CCSER1: variants seen among roughly 807,000 people sequenced by gnomAD.
CCSER1 encodes serine-rich coiled-coil domain-containing protein 1.
CCSER1 carries 41 observed loss-of-function variants against 82.0 expected under a neutral mutation model. The observed-to-expected ratio is 0.50, with a 90% CI of 0.39 to 0.65. The LOEUF (loss-of-function observed/expected upper bound fraction) is 0.65, where lower values mean the gene tolerates loss of function less well. CCSER1 is among the 30% of genes least tolerant of loss of function. The probability of loss-of-function intolerance (pLI) is 0.00; values close to 1 mark genes in which losing one functional copy is unlikely to be tolerated. For missense variants in CCSER1, 1,119 were observed against 1,064.2 expected (o/e 1.05, Z -0.72); for synonymous variants, 414 against 383.9 (o/e 1.08, Z -0.92).
At chr4:90,708,807 G>A (rs1401838670) in intron 6 of CCSER1, among the ~76,000 whole-genome samples, 3 of 151,992 alleles carry the variant, frequency 2.0e-5, no homozygotes, top group Admixed American at 6.6e-5. Context: ...AAAAGTTAAC[G>A]AATTGGTAAA....
chr4:91,554,593 A>G (rs1194478848), intron 10 of CCSER1, among the ~76,000 whole-genome samples: 1 of 151,358 alleles, frequency 6.6e-6, no homozygotes, highest in Non-Finnish European at 1.5e-5. Context: ...AAGGACTACA[A>G]GAAATAATAA....
At chr4:90,153,587 G>A (rs1042452021) in intron 1 of CCSER1, among the ~76,000 whole-genome samples, 1 of 152,016 alleles carries the variant, frequency 6.6e-6, no homozygotes, top group Non-Finnish European at 1.5e-5. Context: ...TCTAACTGGT[G>A]TGAGATGGTA....
In CCSER1 at chr4:91,501,951, C is replaced by G. The variant is rs1047908840; in HGVS notation, c.2218-96621C>G. On this transcript the variant is annotated intron_variant, in intron 10 of 10. Transcript: ENST00000509176. ...GCATCACTTATCATACACAGTTCAT[C>G]TTAGATTTACCTGGGTTGTCCATTT... Among the ~76,000 whole-genome samples, 3 of 152,126 alleles carry G rather than the reference C, an allele frequency of 2.0e-5. No individual in the cohort carries two copies. In the East Asian group the frequency reaches 5.8e-4, roughly 29 times the overall value.
intron 1 of CCSER1, among the ~76,000 whole-genome samples, chr4:90,231,658 A>T (rs985651162): frequency 1.3e-5 from 2 of 151,342 alleles, no homozygotes; most frequent in Admixed American, 6.6e-5. Context: ...AGGGTATTCA[A>T]TTAGGAAAAG....
chr4:90,811,930 CACACAT>C (rs1212493703), intron 7 of CCSER1, among the ~76,000 whole-genome samples: 2 of 128,606 alleles, frequency 1.6e-5, no homozygotes, highest in Admixed American at 8.0e-5. Context: ...CACACACACA[CACACAT>C]ATATACACTT....
At chr4:90,443,675 C>G (rs1760226371) in intron 4 of CCSER1, among the ~76,000 whole-genome samples, 1 of 151,882 alleles carries the variant, frequency 6.6e-6, no homozygotes, top group Admixed American at 6.6e-5. Context: ...TTTTCATTGG[C>G]TTCATTTCTA....
chr4:90,435,690 C>A (rs1758904502), intron 4 of CCSER1, among the ~76,000 whole-genome samples: 1 of 151,952 alleles, frequency 6.6e-6, no homozygotes. Context: ...TTATGTATAC[C>A]ATTAATGTGG....
At chr4:90,616,917 T>C (rs1721392867) in intron 5 of CCSER1, among the ~76,000 whole-genome samples, 2 of 152,110 alleles carry the variant, frequency 1.3e-5, no homozygotes, top group Admixed American at 1.3e-4. Context: ...TGGCTGTCTC[T>C]GAAGGGAGTG....
intron 1 of CCSER1, among the ~76,000 whole-genome samples, chr4:90,147,517 C>T (rs1316759132): frequency 6.6e-6 from 1 of 152,050 alleles, no homozygotes; most frequent in African/African-American, 2.4e-5. Flanking sequence ...AAGTACCTTA[C>T]AGGCTATTCT....
Position 90,965,784 on chromosome 4 carries a change from G to A in CCSER1, c.2172+42337G>A, listed in dbSNP as rs900176542. Among the ~76,000 whole-genome samples, 43 of 152,052 alleles carry A rather than the reference G, an allele frequency of 2.8e-4. 1 individual carries two copies. Among genetic ancestry groups the A allele is most frequent in the African/African-American group, 1.0e-3 (42 of 41,334 alleles). The stretch of plus-strand genomic sequence containing the variant: ...AAGACGTGAGAAGACACAAGAAAGT[G>A]TGACTCATAAGAGAGGGAAAAAATA... On this transcript the variant is annotated intron_variant, in intron 9 of 10. Coordinates refer to ENST00000509176, the MANE Select transcript of CCSER1 (RefSeq NM_001145065.2).
At chr4:90,988,871 G>T (rs2150441445) in intron 9 of CCSER1, among the ~76,000 whole-genome samples, 1 of 151,796 alleles carries the variant, frequency 6.6e-6, no homozygotes, top group Non-Finnish European at 1.5e-5. Flanking sequence ...CTGTTTTGTG[G>T]GGTTTTTTAT....
At chr4:91,389,625 T>A (rs888620662) in intron 10 of CCSER1, among the ~76,000 whole-genome samples, 18 of 151,908 alleles carry the variant, frequency 1.2e-4, no homozygotes, top group African/African-American at 4.3e-4. Flanking sequence ...AACAACTTGC[T>A]GAGATTTCGG....
chr4:90,531,396 CT>C (rs77768534), intron 5 of CCSER1, among the ~76,000 whole-genome samples: 47,758 of 130,110 alleles, frequency 0.37, 9,664 homozygotes, highest in African/African-American at 0.61. Flanking sequence ...CTGCAGGTTT[CT>C]TTTTTTTTTT....
At chr4:91,273,337 GTGTT>G (rs1220334971) in intron 10 of CCSER1, among the ~76,000 whole-genome samples, 17 of 152,190 alleles carry the variant, frequency 1.1e-4, no homozygotes, top group Non-Finnish European at 2.1e-4. Flanking sequence ...GTAATCCTAA[GTGTT>G]TGTTTGTTTT....
intron 10 of CCSER1, among the ~76,000 whole-genome samples, chr4:91,175,346 G>T (rs1733219886): frequency 6.6e-6 from 1 of 152,038 alleles, no homozygotes; most frequent in Non-Finnish European, 1.5e-5. Context: ...CCAGTAATGG[G>T]ATCACTGGCT....
chr4:90,170,300 T>G (rs1327561220), intron 1 of CCSER1, among the ~76,000 whole-genome samples: 1 of 151,968 alleles, frequency 6.6e-6, no homozygotes, highest in East Asian at 1.9e-4. Flanking sequence ...TTCAACACCT[T>G]CTTTTATATC....
intron 8 of CCSER1, among the ~76,000 whole-genome samples, chr4:90,859,580 C>A (rs573703557): frequency 9.2e-5 from 14 of 151,804 alleles, no homozygotes; most frequent in Admixed American, 2.0e-4. Context: ...AAAATCTGAA[C>A]TTCAAATTTC....
At chr4:91,117,737 A>G (rs923811819) in intron 10 of CCSER1, among the ~76,000 whole-genome samples, 8 of 152,204 alleles carry the variant, frequency 5.3e-5, no homozygotes, top group African/African-American at 2.4e-5. Flanking sequence ...TGTGGTGTCA[A>G]CCACACTTTA....
intron 10 of CCSER1, among the ~76,000 whole-genome samples, chr4:91,139,858 T>C (rs1280081920): frequency 6.6e-6 from 1 of 152,180 alleles, no homozygotes; most frequent in Admixed American, 6.6e-5. Context: ...AAGTACTTTT[T>C]TTCAGCCAGT....
Sources: allele counts gnomAD v4.1 joint callset (sites outside exome capture counted in the v4.1 genomes callset), GRCh38; gene constraint gnomAD v4.1.1; transcripts MANE v1.5; gene names NCBI Gene and HGNC (gene_info 2026-07-23, HGNC 2026-07-21).